Variants in LRRC8B observed in about 807,000 individuals in gnomAD.
LRRC8B encodes the protein volume-regulated anion channel subunit LRRC8B.
LRRC8B carries 23 observed loss-of-function variants against 58.8 expected under a neutral mutation model. That is an observed-to-expected ratio of 0.39 (90% CI 0.28 to 0.55). The LOEUF (loss-of-function observed/expected upper bound fraction) is 0.55. Ranked by LOEUF, LRRC8B falls within the 20% of genes least tolerant of loss-of-function variation. LRRC8B has a pLI of 0.62. For synonymous variants in LRRC8B, 359 were observed against 374.1 expected (o/e 0.96, Z 0.47); for missense variants, 694 against 936.0 (o/e 0.74, Z 3.37).
At position 89,584,316 on chromosome 1, in the gene LRRC8B, G is replaced by C; in HGVS notation, c.1666G>C (p.Val556Leu). Residue 556 changes from valine to leucine, a missense_variant, in exon 5 of 6, where the codon GTT becomes CTT. Transcript: ENST00000330947. The stretch of plus-strand genomic sequence containing the variant: ...CAGCCTCTCCCGGATCCCACAAGTT[G>C]TTACAGACCTCCTGCCTTCATTGCA... Reference protein sequence around the residue: ...KSSLSRIPQVVTDLLPSLQKL... With the variant: ...KSSLSRIPQVLTDLLPSLQKL... 1 of 1,614,126 alleles carries C rather than the reference G, an allele frequency of 6.2e-7. No individual in the cohort carries two copies. The highest frequency in any genetic ancestry group is 8.5e-7 in the Non-Finnish European group (1 of 1,180,022).
chr1:89,531,876 C>T (rs984269689), intron 1 of LRRC8B, among the ~76,000 whole-genome samples: 2 of 152,086 alleles, frequency 1.3e-5, no homozygotes, highest in African/African-American at 2.4e-5. Context: ...TGGTCAGGTT[C>T]GCAGGCAATC....
chr1:89,535,351 T>C lies in LRRC8B; in HGVS notation c.-241+10329T>C, dbSNP rs558144964. ...TTCCCCCTTGGTGTACACAGGGATATCCGATAGGGAAAGAGCATGGTTAGA... is the reference window on the plus strand; with the variant it reads ...TTCCCCCTTGGTGTACACAGGGATACCCGATAGGGAAAGAGCATGGTTAGA... On this transcript the variant is annotated intron_variant, in intron 1 of 5. Transcript: ENST00000330947. 1.0e-3 allele frequency among the ~76,000 whole-genome samples: 156 copies of C among 152,222 alleles called. 1 individual carries two copies. Among genetic ancestry groups the C allele is most frequent in the Middle Eastern group, 3.4e-3 (1 of 294 alleles).
At position 89,595,561 on chromosome 1, in the gene LRRC8B, C is replaced by A. The variant is rs1655241475; in HGVS notation, c.*2518C>A. Reference sequence around the variant, plus strand: ...GTAAATTTCTAGAAGAATTTACTAGCAGGATTAATAATGAATATTATAAAC... The same window carrying A: ...GTAAATTTCTAGAAGAATTTACTAGAAGGATTAATAATGAATATTATAAAC... On this transcript the variant is annotated 3_prime_UTR_variant, in exon 6 of 6. Transcript: ENST00000330947. 6.6e-6 allele frequency: 1 copy of A among 152,064 alleles called. No individual in the cohort carries two copies. Among genetic ancestry groups the A allele is most frequent in the Non-Finnish European group, 1.5e-5 (1 of 67,956 alleles). 9.4% of individuals were successfully genotyped at this position (152,064 alleles called of 1,614,324 possible).
At chr1:89,579,820 T>C (rs1422406992) in intron 4 of LRRC8B, 132 bp downstream of exon 4, 1 of 152,504 alleles carries the variant, frequency 6.6e-6, no homozygotes, top group Non-Finnish European at 1.5e-5. Context: ...ACAATTTCAG[T>C]TGCATATCTT....
chr1:89,584,917 T>C (rs899758638), intron 5 of LRRC8B, 128 bp downstream of exon 5: 1 of 632,146 alleles, frequency 1.6e-6, no homozygotes, highest in African/African-American at 1.9e-5. Context: ...CTTGCATAAA[T>C]TACCAAAACA....
At chr1:89,560,389 CT>C (rs35250299) in intron 1 of LRRC8B, among the ~76,000 whole-genome samples, 8,713 of 148,766 alleles carry the variant, frequency 0.059, 291 homozygotes, top group African/African-American at 0.088. Flanking sequence ...TTTGGTATAT[CT>C]TTTTTTTTTT....
At chr1:89,562,989 G>A (rs957029777) in intron 1 of LRRC8B, among the ~76,000 whole-genome samples, 4 of 152,106 alleles carry the variant, frequency 2.6e-5, no homozygotes, top group African/African-American at 9.6e-5. Flanking sequence ...TAGTTATTAT[G>A]GTAACCTATG....
At chr1:89,539,344 G>A (rs1650779372) in intron 1 of LRRC8B, among the ~76,000 whole-genome samples, 1 of 152,036 alleles carries the variant, frequency 6.6e-6, no homozygotes, top group Non-Finnish European at 1.5e-5. Context: ...TAGAAATAGA[G>A]AACAAAGCAG....
At chr1:89,534,645 A>G (rs773635237) in intron 1 of LRRC8B, among the ~76,000 whole-genome samples, 3 of 152,212 alleles carry the variant, frequency 2.0e-5, no homozygotes, top group Non-Finnish European at 4.4e-5. Context: ...TACACGATTG[A>G]CCAGAACAAC....
At chr1:89,585,818 A>AG (rs1225645512) in intron 5 of LRRC8B, among the ~76,000 whole-genome samples, 2 of 151,168 alleles carry the variant, frequency 1.3e-5, no homozygotes, top group African/African-American at 2.5e-5. Flanking sequence ...TCAAAAAAAA[A>AG]AGAAAGAAAG....
chr1:89,534,539 A>T (rs1650383647), intron 1 of LRRC8B, among the ~76,000 whole-genome samples: 1 of 151,270 alleles, frequency 6.6e-6, no homozygotes, highest in Admixed American at 6.6e-5. Context: ...ACACACACAC[A>T]CTCAGTATAC....
chr1:89,550,320 C>T (rs749926664), intron 1 of LRRC8B, among the ~76,000 whole-genome samples: 3 of 152,124 alleles, frequency 2.0e-5, no homozygotes, highest in African/African-American at 7.2e-5. Flanking sequence ...TCCTTTTTAA[C>T]GAGTTGTTCA....
Position 89,583,471 on chromosome 1 carries a change from C to T in LRRC8B, c.821C>T (p.Thr274Ile), listed in dbSNP as rs1654393751. 2 of 1,613,928 alleles carry T rather than the reference C, an allele frequency of 1.2e-6. No homozygotes were observed. Among genetic ancestry groups the T allele is most frequent in the Admixed American group, 1.7e-5 (1 of 60,000 alleles). ...VKVILFVLIITYVPYFLTHIT... is the reference protein window; with the variant it reads ...VKVILFVLIIIYVPYFLTHIT... ...GTCATTTTGTTTGTGCTCATCATAA[C>T]TTATGTTCCATATTTTTTAACCCAC... The change falls in exon 5 of 6, where the codon ACT becomes ATT. Residue 274 changes from threonine to isoleucine, a missense_variant. Thr to Ile is a moderately conservative substitution (Grantham distance 89). Coordinates refer to ENST00000330947, the MANE Select transcript of LRRC8B (RefSeq NM_001369817.2). The surrounding 1 kb of genome is among the most constrained non-coding windows in gnomAD (Gnocchi z 5.2).
At chr1:89,541,212 A>G (rs1438831515) in intron 1 of LRRC8B, among the ~76,000 whole-genome samples, 1 of 152,238 alleles carries the variant, frequency 6.6e-6, no homozygotes, top group Non-Finnish European at 1.5e-5. Context: ...TGTCTTCCAG[A>G]AAGCTAAAAA....
chr1:89,571,588 T>G (rs1458122844), intron 3 of LRRC8B, among the ~76,000 whole-genome samples: 1 of 152,136 alleles, frequency 6.6e-6, no homozygotes, highest in Non-Finnish European at 1.5e-5. Flanking sequence ...TTAAGAAGCT[T>G]TTGGGCTGAG....
rs951898344 is a variant in LRRC8B at position 89,530,361 on chromosome 1, A to AAAATAAAT, written c.-241+5354_-241+5361dup. 2.3e-4 allele frequency among the ~76,000 whole-genome samples: 32 copies of AAAATAAAT among 138,804 alleles called. 1 individual carries two copies. Among genetic ancestry groups the AAAATAAAT allele is most frequent in the Non-Finnish European group, 3.9e-4 (25 of 64,834 alleles). The allele number at this position is 138,804 out of a possible 152,430, so 91.1% of individuals were successfully genotyped here. ...GCGACAGAGCAAGACTCTGTCTCCAAAAATAAATAAATAAATAAATAATAA... is the reference window on the plus strand; with the variant it reads ...GCGACAGAGCAAGACTCTGTCTCCAAAAATAAATAAATAAATAAATAAATAAATAATAA... On this transcript the variant is annotated intron_variant, in intron 1 of 5. Transcript: ENST00000330947.
intron 5 of LRRC8B, among the ~76,000 whole-genome samples, chr1:89,591,570 C>G (rs558838275): frequency 6.6e-6 from 1 of 152,260 alleles, no homozygotes; most frequent in Admixed American, 6.5e-5. Flanking sequence ...GGATATACAG[C>G]ACTGAACGTG....
At chr1:89,588,249 G>A (rs190617988) in intron 5 of LRRC8B, among the ~76,000 whole-genome samples, 1 of 152,246 alleles carries the variant, frequency 6.6e-6, no homozygotes. Flanking sequence ...GTCTTCCATA[G>A]GACGGTAATA....
rs986650640 is a variant in LRRC8B, at chr1:89,593,221, A to C, written c.*178A>C. 5 of 586,478 alleles carry C rather than the reference A, an allele frequency of 8.5e-6. No individual in the cohort carries two copies. In the African/African-American group the frequency reaches 9.3e-5, roughly 11 times the overall value. The allele number at this position is 586,478 out of a possible 1,614,324, so 36.3% of individuals were successfully genotyped here. On this transcript the variant is annotated 3_prime_UTR_variant, in exon 6 of 6. Coordinates refer to ENST00000330947, the MANE Select transcript of LRRC8B (RefSeq NM_001369817.2). ...GAAACCCCATCTCTGCTAAAACTAC[A>C]AAAAAATTAGCCAGGCGTGGTGGCG...
Sources: gnomAD v4.1 joint callset for allele counts (sites outside exome capture counted in the v4.1 genomes callset) on GRCh38, gnomAD v4.1.1 for gene constraint, Gnocchi (gnomAD v3.1) non-coding constraint, MANE v1.5 for transcripts, NCBI Gene and HGNC (gene_info 2026-07-23, HGNC 2026-07-21) for gene names.